The following VAV3 variants were observed in gnomAD, a reference collection of about 807,000 sequenced individuals.
The protein encoded by VAV3 is vav guanine nucleotide exchange factor 3.
A neutral mutation model predicts 131.2 loss-of-function variants in VAV3; 94 were observed. The observed-to-expected ratio is 0.72, with a 90% confidence interval of 0.61 to 0.85. VAV3 has a LOEUF of 0.85. Ranked by LOEUF, VAV3 falls within the 40% of genes least tolerant of loss-of-function variation. The pLI is 0.00. For synonymous variants in VAV3, 349 were observed against 342.0 expected (o/e 1.02, Z -0.22); for missense variants, 939 against 1,002.7 (o/e 0.94, Z 0.86).
chr1:107,702,839 T>C (rs1040616795), intron 17 of VAV3, among the ~76,000 whole-genome samples: 1 of 151,588 alleles, frequency 6.6e-6, no homozygotes, highest in African/African-American at 2.4e-5. Flanking sequence ...TCACCTTAGA[T>C]TAAAATAGTA....
At chr1:107,929,986 TA>T (rs893765795) in intron 1 of VAV3, among the ~76,000 whole-genome samples, 10 of 152,080 alleles carry the variant, frequency 6.6e-5, no homozygotes, top group African/African-American at 1.9e-4. Context: ...GCTAAAAAAT[TA>T]AAATAATTGA....
intron 17 of VAV3, among the ~76,000 whole-genome samples, chr1:107,697,316 C>A (rs562770083): frequency 6.6e-6 from 1 of 152,272 alleles, no homozygotes; most frequent in South Asian, 2.1e-4. Context: ...CGCTAATGAA[C>A]TATGAGCATT....
At chr1:107,669,261 CT>C in intron 19 of VAV3, 2 of 1,264,112 alleles carry the variant, frequency 1.6e-6, no homozygotes, top group Non-Finnish European at 2.0e-6. Flanking sequence ...CATAGGATCT[CT>C]TCTTTATCCT....
At chr1:107,730,832 T>C (rs1662194017) in intron 15 of VAV3, among the ~76,000 whole-genome samples, 1 of 152,202 alleles carries the variant, frequency 6.6e-6, no homozygotes, top group South Asian at 2.1e-4. Flanking sequence ...CTTTCATCTT[T>C]AGAAAACAAC....
At chr1:107,619,069 G>T (rs142212368) in intron 20 of VAV3, among the ~76,000 whole-genome samples, 1 of 152,266 alleles carries the variant, frequency 6.6e-6, no homozygotes, top group East Asian at 1.9e-4. Flanking sequence ...AACTAAGTCT[G>T]CTGAACTGGC....
At chr1:107,796,973 TTTTTTTAAATAAGTGAAAA>T (rs2102289484) in intron 2 of VAV3, among the ~76,000 whole-genome samples, 1 of 152,118 alleles carries the variant, frequency 6.6e-6, no homozygotes, top group Admixed American at 6.5e-5. Flanking sequence ...AGTAAAATAA[TTTTTTTAAATAAGTGAAAA>T]TACTCCTATA....
intron 2 of VAV3, among the ~76,000 whole-genome samples, chr1:107,807,025 T>C (rs1174708842): frequency 6.6e-6 from 1 of 152,204 alleles, no homozygotes; most frequent in African/African-American, 2.4e-5. Flanking sequence ...GATGTACGTG[T>C]TCAGTACAGA....
chr1:107,873,884 G>A (rs1473314153), intron 2 of VAV3, among the ~76,000 whole-genome samples: 1 of 152,166 alleles, frequency 6.6e-6, no homozygotes, highest in East Asian at 1.9e-4. Context: ...CCCAGGTAGA[G>A]TGGCTTCCCC....
intron 20 of VAV3, among the ~76,000 whole-genome samples, chr1:107,633,092 T>C (rs568868676): frequency 6.6e-6 from 1 of 152,180 alleles, no homozygotes; most frequent in Non-Finnish European, 1.5e-5. Flanking sequence ...TAACATTATG[T>C]GGCTGTGAGG....
chr1:107,798,803 A>C (rs949304227), intron 2 of VAV3, among the ~76,000 whole-genome samples: 2 of 151,738 alleles, frequency 1.3e-5, no homozygotes, highest in Non-Finnish European at 2.9e-5. Context: ...AACTGCTATG[A>C]AATTGCGCTT....
intron 19 of VAV3, among the ~76,000 whole-genome samples, chr1:107,647,985 G>C (rs532355776): frequency 6.6e-6 from 1 of 152,076 alleles, no homozygotes; most frequent in African/African-American, 2.4e-5. Context: ...TTGATCTGCT[G>C]GTCTTCAGAG....
rs574479610 is a variant in VAV3 at position 107,607,147 on chromosome 1, G to A, written c.2015+2784C>T. Among the ~76,000 whole-genome samples the A allele has an allele frequency of 1.7e-3, 253 of 151,580 alleles. 1 individual carries two copies. Among genetic ancestry groups the A allele is most frequent in the Non-Finnish European group, 2.2e-3 (152 of 67,862 alleles). On this transcript the variant is annotated intron_variant, in intron 22 of 26. Transcript: ENST00000370056. ...TTTTTTGTATTTTTAGTAGAGATGG[G>A]GTTTCACTATGTTCCAGGCTGGTCT...
intron 15 of VAV3, among the ~76,000 whole-genome samples, chr1:107,733,530 G>A (rs1403787476): frequency 6.6e-6 from 1 of 152,196 alleles, no homozygotes; most frequent in Admixed American, 6.5e-5. Context: ...AATAAACAGT[G>A]TAGAGAAGAC....
rs1649650667 is a variant in VAV3 at position 107,576,369 on chromosome 1, A to G, written c.2351-2171T>C. 1.4e-5 allele frequency: 21 copies of G among 1,484,592 alleles called. 1 individual carries two copies. In the East Asian group the frequency reaches 5.1e-4, roughly 36 times the overall value. 92.0% of individuals were successfully genotyped at this position (1,484,592 alleles called of 1,614,324 possible). A position where few individuals can be genotyped will look rare whatever the true frequency, so the allele number is the denominator to read the frequency against. On this transcript the variant is annotated intron_variant, in intron 25 of 26. Transcript: ENST00000370056. ...GCAAGCAGAAGCAAGTTGAAGAGACAAATAAAAGTAGTAAAGCAGTACCTG... is the reference window on the plus strand; with the variant it reads ...GCAAGCAGAAGCAAGTTGAAGAGACGAATAAAAGTAGTAAAGCAGTACCTG...
chr1:107,846,474 T>C (rs1383589746), intron 2 of VAV3, among the ~76,000 whole-genome samples: 3 of 152,014 alleles, frequency 2.0e-5, no homozygotes, highest in East Asian at 1.9e-4. Context: ...GACTGGCAAA[T>C]TGGATAAAGA....
At chr1:107,577,980 C>T (rs1216127133) in intron 25 of VAV3, among the ~76,000 whole-genome samples, 1 of 152,168 alleles carries the variant, frequency 6.6e-6, no homozygotes. Context: ...CCAATATATT[C>T]TGCCTCTGTT....
intron 1 of VAV3, among the ~76,000 whole-genome samples, chr1:107,905,714 G>T (rs556954360): frequency 6.6e-6 from 1 of 152,190 alleles, no homozygotes; most frequent in Non-Finnish European, 1.5e-5. Flanking sequence ...TTAATCATCT[G>T]TATTTCATTT....
At chr1:107,759,397 C>A (rs1207700450) in intron 10 of VAV3, among the ~76,000 whole-genome samples, 2 of 152,290 alleles carry the variant, frequency 1.3e-5, no homozygotes, top group Non-Finnish European at 2.9e-5. Flanking sequence ...ATAAAATATT[C>A]TCACTTTGTG....
chr1:107,659,494 G>A (rs1367848042), intron 19 of VAV3, among the ~76,000 whole-genome samples: 1 of 152,042 alleles, frequency 6.6e-6, no homozygotes, highest in Non-Finnish European at 1.5e-5. Flanking sequence ...GGATTCCAAA[G>A]TTTCTTCTTT....
Sources: gnomAD v4.1 joint callset for allele counts (sites outside exome capture counted in the v4.1 genomes callset) on GRCh38, gnomAD v4.1.1 for gene constraint, MANE v1.5 for transcripts, NCBI Gene and HGNC (gene_info 2026-07-23, HGNC 2026-07-21) for gene names.